ROBO1: variants seen among roughly 807,000 people sequenced by gnomAD.
ROBO1 encodes roundabout guidance receptor 1.
Under a neutral mutation model 195.9 loss-of-function variants are expected in ROBO1, and 149 were observed. The observed-to-expected ratio is 0.76, with a 90% CI of 0.67 to 0.87. The LOEUF (loss-of-function observed/expected upper bound fraction) is 0.87. ROBO1 is among the 40% of genes least tolerant of loss of function. The pLI is 0.00. For missense variants in ROBO1, 1,933 were observed against 2,068.3 expected, an observed-to-expected ratio of 0.93 and a Z score of 1.27; for synonymous variants, 816 against 733.2, an observed-to-expected ratio of 1.11 and a Z score of -1.82.
chr3:79,165,128 T>A (rs2081039272), intron 2 of ROBO1, among the ~76,000 whole-genome samples: 1 of 152,302 alleles, frequency 6.6e-6, no homozygotes, highest in South Asian at 2.1e-4. Context: ...TGTTTACTCA[T>A]CAATGCATCC....
intron 2 of ROBO1, among the ~76,000 whole-genome samples, chr3:79,224,111 G>A (rs2082186201): frequency 6.6e-6 from 1 of 152,062 alleles, no homozygotes; most frequent in African/African-American, 2.4e-5. Flanking sequence ...AGAAAAATCA[G>A]AATTAGACAC....
intron 2 of ROBO1, among the ~76,000 whole-genome samples, chr3:79,310,232 C>T (rs1374261362): frequency 6.6e-6 from 1 of 152,144 alleles, no homozygotes; most frequent in Admixed American, 6.6e-5. Flanking sequence ...AGTTCTGGGC[C>T]CAGCTCATAT....
At chr3:79,640,095 C>A (rs1576162686) in intron 1 of ROBO1, among the ~76,000 whole-genome samples, 1 of 152,104 alleles carries the variant, frequency 6.6e-6, no homozygotes, top group East Asian at 1.9e-4. Context: ...ACGAACACAA[C>A]TAATGAAGTC....
rs2107823857 is a variant in ROBO1 at position 78,685,902 on chromosome 3, A to G, written c.1186T>C (p.Tyr396His). 2 of 1,595,006 alleles carry G rather than the reference A, an allele frequency of 1.3e-6. No homozygotes were observed. Among genetic ancestry groups the G allele is most frequent in the East Asian group, 2.2e-5 (1 of 44,466 alleles). Residue 396 changes from tyrosine (Y) to histidine (H), a missense_variant, in exon 10 of 31, where the codon TAT becomes CAT. Coordinates refer to ENST00000464233, the MANE Select transcript of ROBO1 (RefSeq NM_002941.4). Reference protein sequence around the residue: ...REGSQNLLFSYQPPQSSSRFS... With the variant: ...REGSQNLLFSHQPPQSSSRFS... ...CGGCTGGATGACTGTGGTGGTTGAT[A>G]TGAGAAAAGTAGATTCTAGAACCCA...
At chr3:79,274,685 CTAAT>C (rs2030872456) in intron 2 of ROBO1, among the ~76,000 whole-genome samples, 1 of 151,700 alleles carries the variant, frequency 6.6e-6, no homozygotes, top group East Asian at 1.9e-4. Flanking sequence ...ATACAAAAGA[CTAAT>C]TAAACGAAAG....
chr3:79,340,220 C>T (rs1010049811), intron 2 of ROBO1, among the ~76,000 whole-genome samples: 1 of 152,202 alleles, frequency 6.6e-6, no homozygotes, highest in African/African-American at 2.4e-5. Flanking sequence ...AGATACTGAA[C>T]TGCCTCAATC....
chr3:78,633,951 C>T lies in ROBO1; in HGVS notation c.3465G>A (p.Arg1155=). ...NTGGSYNSSD[R]GSSTSGSQGH... is the part of the protein sequence containing the mutation. Reference sequence around the variant, plus strand: ...CTTACTTACCAGATGTACTACTGCCCCGGTCTGAGCTGTTGTAGGATCCTC... The same window carrying T: ...CTTACTTACCAGATGTACTACTGCCTCGGTCTGAGCTGTTGTAGGATCCTC... Residue 1155 remains arginine, a synonymous_variant, in exon 24 of 31, where the codon CGG becomes CGA. Coordinates refer to ENST00000464233, the MANE Select transcript of ROBO1 (RefSeq NM_002941.4). The T allele has an allele frequency of 6.2e-7, 1 of 1,609,648 alleles. No individual in the cohort carries two copies. Among genetic ancestry groups the T allele is most frequent in the East Asian group, 2.2e-5 (1 of 44,760 alleles).
At chr3:79,221,089 A>G (rs1263310871) in intron 2 of ROBO1, among the ~76,000 whole-genome samples, 1 of 152,076 alleles carries the variant, frequency 6.6e-6, no homozygotes, top group Non-Finnish European at 1.5e-5. Flanking sequence ...ACTCTGAAAT[A>G]AGAAACTTTG....
intron 2 of ROBO1, among the ~76,000 whole-genome samples, chr3:79,158,314 A>G (rs1288284511): frequency 6.6e-6 from 1 of 150,840 alleles, no homozygotes; most frequent in Non-Finnish European, 1.5e-5. Context: ...GATAAAATAT[A>G]TCATATATTT....
chr3:79,725,443 G>T (rs1394181051), intron 1 of ROBO1, among the ~76,000 whole-genome samples: 9 of 150,736 alleles, frequency 6.0e-5, no homozygotes, highest in African/African-American at 7.3e-5. Context: ...AGCCAGGATG[G>T]TCTCGATCTC....
intron 11 of ROBO1, among the ~76,000 whole-genome samples, chr3:78,669,632 G>A (rs928704216): frequency 3.3e-5 from 5 of 152,128 alleles, no homozygotes; most frequent in African/African-American, 7.2e-5. Flanking sequence ...TTGTACACTC[G>A]GTGTGTACAT....
At chr3:79,276,329 T>G (rs1484660977) in intron 2 of ROBO1, among the ~76,000 whole-genome samples, 2 of 151,882 alleles carry the variant, frequency 1.3e-5, no homozygotes, top group East Asian at 3.9e-4. Context: ...ACATCTACAC[T>G]CAACTCATTT....
At chr3:79,502,819 A>G (rs1263936533) in intron 2 of ROBO1, among the ~76,000 whole-genome samples, 3 of 151,942 alleles carry the variant, frequency 2.0e-5, no homozygotes, top group Non-Finnish European at 2.9e-5. Flanking sequence ...GTTCGTAAAT[A>G]CACCAGTCAG....
chr3:79,681,375 G>T (rs72895947), intron 1 of ROBO1, among the ~76,000 whole-genome samples: 3,606 of 151,908 alleles, frequency 0.024, 95 homozygotes, highest in African/African-American at 0.069. Context: ...GCCCTAACTA[G>T]AAAATATAAA....
chr3:79,196,630 A>T (rs1026256660), intron 2 of ROBO1, among the ~76,000 whole-genome samples: 1 of 151,664 alleles, frequency 6.6e-6, no homozygotes, highest in African/African-American at 2.4e-5. Flanking sequence ...TAAAAGAAAA[A>T]CATAAATACA....
At chr3:79,421,156 G>A (rs2038208500) in intron 2 of ROBO1, among the ~76,000 whole-genome samples, 1 of 152,062 alleles carries the variant, frequency 6.6e-6, no homozygotes, top group African/African-American at 2.4e-5. Context: ...TCACTTACAA[G>A]TGAGAGCTTT....
At chr3:79,501,078 G>A (rs73848898) in intron 2 of ROBO1, among the ~76,000 whole-genome samples, 8,283 of 152,130 alleles carry the variant, frequency 0.054, 739 homozygotes, top group African/African-American at 0.19. Context: ...CTCTAAGGCA[G>A]GGTATGGCAA....
rs193298891 is a variant in ROBO1 at position 79,547,075 on chromosome 3, C to T, written c.88+42749G>A. 2.0e-5 allele frequency among the ~76,000 whole-genome samples: 3 copies of T among 148,802 alleles called. No homozygotes were observed. In the East Asian group the frequency reaches 6.1e-4, roughly 30 times the overall value. On this transcript the variant is annotated intron_variant, in intron 2 of 30. Transcript: ENST00000464233. The stretch of plus-strand genomic sequence containing the variant: ...TGGCGGGTGCCTCTAGTCCCAGCTA[C>T]TCGGGAGGCTGAGGCAGGAGAATGG...
chr3:79,369,347 T>A (rs2036101915), intron 2 of ROBO1, among the ~76,000 whole-genome samples: 1 of 152,208 alleles, frequency 6.6e-6, no homozygotes, highest in African/African-American at 2.4e-5. Flanking sequence ...GTTCCATGTG[T>A]AAAATCCCTT....
Sources: allele counts gnomAD v4.1 joint callset (sites outside exome capture counted in the v4.1 genomes callset), GRCh38; gene constraint gnomAD v4.1.1; transcripts MANE v1.5; gene names NCBI Gene and HGNC (gene_info 2026-07-23, HGNC 2026-07-21).